Variants in TARBP1 observed in about 807,000 individuals in gnomAD.
TARBP1 encodes tRNA guanosine 2 -O-methyltransferase TARBP1, also known as tRNA (guanosine(18)-2'-O)-methyltransferase TARBP1.
TARBP1 carries 144 observed loss-of-function variants against 178.6 expected under a neutral mutation model. The ratio of observed to expected loss-of-function variants is 0.81; its 90% CI spans 0.70 to 0.93. The LOEUF is 0.93. Among genes scored for constraint, TARBP1 ranks in the 40% least tolerant of loss-of-function variants. The pLI, the probability that TARBP1 is intolerant of heterozygous loss-of-function variation, is 0.00. For synonymous variants in TARBP1, 787 were observed against 781.0 expected, an observed-to-expected ratio of 1.01 and a Z score of -0.13; for missense variants, 2,067 against 2,011.7, an observed-to-expected ratio of 1.03 and a Z score of -0.53.
intron 5 of TARBP1, 57 bp from the exon 6 acceptor site, chr1:234,463,991 C>T (rs1668175945): frequency 1.7e-6 from 2 of 1,146,056 alleles, no homozygotes; most frequent in South Asian, 1.8e-5. Context: ...AGTGATTACA[C>T]TAAAACTAGC....
At chr1:234,428,644 C>G (rs1196041248) in intron 17 of TARBP1, among the ~76,000 whole-genome samples, 2 of 151,944 alleles carry the variant, frequency 1.3e-5, no homozygotes, top group Non-Finnish European at 2.9e-5. Flanking sequence ...CTCCTGGGTT[C>G]AAGCAATTCT....
At chr1:234,408,674 C>T (rs1440886099) in intron 23 of TARBP1, among the ~76,000 whole-genome samples, 51 of 152,118 alleles carry the variant, frequency 3.4e-4, no homozygotes, top group Admixed American at 3.3e-3. Context: ...TGACTTAGCA[C>T]AAAAGGACAC....
At chr1:234,443,916 A>G (rs1388929817) in intron 12 of TARBP1, among the ~76,000 whole-genome samples, 1 of 152,192 alleles carries the variant, frequency 6.6e-6, no homozygotes, top group Non-Finnish European at 1.5e-5. Flanking sequence ...AGTCAAACTC[A>G]TAGAGACAGA....
At chr1:234,467,376 G>A (rs1668557005) in intron 4 of TARBP1, 126 bp downstream of exon 4, 19 of 993,050 alleles carry the variant, frequency 1.9e-5, no homozygotes, top group Admixed American at 1.1e-4. Flanking sequence ...GGAAAGCTGG[G>A]TTTAGAGAAA....
intron 11 of TARBP1, among the ~76,000 whole-genome samples, chr1:234,447,609 G>A (rs1666325520): frequency 6.6e-6 from 1 of 151,808 alleles, no homozygotes; most frequent in Non-Finnish European, 1.5e-5. Flanking sequence ...TCCCAGACTG[G>A]ATAACCAACT....
At position 234,479,011 on chromosome 1, in the gene TARBP1, C is replaced by T; in HGVS notation, c.93G>A (p.Glu31=). ...GALCQGEASA[E]RVETLRFLLQ... is the part of the protein sequence containing the mutation. ...GAAGGAAGCGCAGCGTCTCCACGCG[C>T]TCCGCGGATGCCTCCCCTTGGCACA... Residue 31 remains glutamate, a synonymous_variant, in exon 1 of 30, where the codon GAG becomes GAA. Transcript: ENST00000040877. 6.6e-7 allele frequency: 1 copy of T among 1,517,260 alleles called. No homozygotes were observed. Among genetic ancestry groups the T allele is most frequent in the Non-Finnish European group, 8.7e-7 (1 of 1,144,642 alleles). 94.0% of individuals were successfully genotyped at this position (1,517,260 alleles called of 1,614,324 possible).
At chr1:234,440,612 T>A (rs1665493074) in intron 12 of TARBP1, among the ~76,000 whole-genome samples, 1 of 152,088 alleles carries the variant, frequency 6.6e-6, no homozygotes, top group South Asian at 2.1e-4. Flanking sequence ...TATTCACAGA[T>A]GACATGATTA....
At chr1:234,431,400 A>G (rs1038144661) in intron 14 of TARBP1, among the ~76,000 whole-genome samples, 1 of 152,262 alleles carries the variant, frequency 6.6e-6, no homozygotes, top group African/African-American at 2.4e-5. Context: ...TTGTATATTT[A>G]GAACTCACAA....
chr1:234,466,837 T>C (rs1046943918), intron 4 of TARBP1, among the ~76,000 whole-genome samples: 1 of 151,826 alleles, frequency 6.6e-6, no homozygotes, highest in Non-Finnish European at 1.5e-5. Context: ...CACTCCAGCC[T>C]GGGTGACAGG....
rs529391827 is a variant in TARBP1 at position 234,420,729 on chromosome 1, C to T, written c.3528G>A (p.Leu1176=). 6.2e-7 allele frequency: 1 copy of T among 1,611,900 alleles called. No homozygotes were observed. The highest frequency in any genetic ancestry group is 1.1e-5 in the South Asian group (1 of 90,708). The change falls in exon 21 of 30, where the codon CTG becomes CTA. Residue 1176 remains leucine, a synonymous_variant. Transcript: ENST00000040877. Reference sequence around the variant, plus strand: ...GGTCAAGTCTAGGGAAAAGTACCAGCAGAGTCTGCCACACTCGGTTTTTCA... The same window carrying T: ...GGTCAAGTCTAGGGAAAAGTACCAGTAGAGTCTGCCACACTCGGTTTTTCA... ...HRVKNRVWQT[L]LVLFPRLDQN...
chr1:234,478,568 TC>T lies in TARBP1; in HGVS notation c.535del (p.Asp179MetfsTer48). The T allele has an allele frequency of 7.7e-7, 1 of 1,292,424 alleles. No homozygotes were observed. Among genetic ancestry groups the T allele is most frequent in the Non-Finnish European group, 9.8e-7 (1 of 1,022,864 alleles). 80.1% of individuals were successfully genotyped at this position (1,292,424 alleles called of 1,614,324 possible). A position where few individuals can be genotyped will look rare whatever the true frequency, so the allele number is the denominator to read the frequency against. On this transcript the variant is annotated frameshift_variant, in exon 1 of 30. Transcript: ENST00000040877. LOFTEE classifies it high-confidence loss of function. ...ALALGGGGDG[D>X]EAGPAEDAAA... ...CGCGTCCTCGGCAGGCCCGGCCTCATCCCCGTCCCCGCCCCCGCCCAGCGCC... is the reference window on the plus strand; with the variant it reads ...CGCGTCCTCGGCAGGCCCGGCCTCATCCCGTCCCCGCCCCCGCCCAGCGCC...
chr1:234,448,980 G>A (rs1572353045), intron 10 of TARBP1, among the ~76,000 whole-genome samples: 1 of 152,192 alleles, frequency 6.6e-6, no homozygotes, highest in African/African-American at 2.4e-5. Flanking sequence ...GAGAGTAAGA[G>A]GAAGTTTCCC....
intron 13 of TARBP1, among the ~76,000 whole-genome samples, chr1:234,434,107 A>T (rs1664767002): frequency 6.6e-6 from 1 of 152,008 alleles, no homozygotes. Flanking sequence ...AAGTTATTTA[A>T]CTCTTCACTA....
intron 23 of TARBP1, chr1:234,407,667 G>C (rs146112610): frequency 6.6e-6 from 1 of 152,114 alleles, no homozygotes; most frequent in East Asian, 1.9e-4. Flanking sequence ...TATTTATATC[G>C]GTGTGGGCTC....
chr1:234,427,908 G>T, intron 17 of TARBP1, 142 bp from the exon 18 acceptor site: 1 of 475,464 alleles, frequency 2.1e-6, no homozygotes, highest in Non-Finnish European at 3.5e-6. Flanking sequence ...AACTTTGCGA[G>T]ATGATCAATA....
At chr1:234,412,954 T>C (rs1572244115) in intron 22 of TARBP1, among the ~76,000 whole-genome samples, 1 of 152,068 alleles carries the variant, frequency 6.6e-6, no homozygotes, top group South Asian at 2.1e-4. Flanking sequence ...CATCCAGAGG[T>C]TGGATGAGCA....
intron 9 of TARBP1, among the ~76,000 whole-genome samples, chr1:234,455,640 A>G (rs936079021): frequency 2.0e-5 from 3 of 152,220 alleles, no homozygotes; most frequent in African/African-American, 7.2e-5. Context: ...GTGGAGTACG[A>G]TAAGGATCAA....
At chr1:234,415,717 C>A (rs1254129805) in intron 22 of TARBP1, among the ~76,000 whole-genome samples, 4 of 152,200 alleles carry the variant, frequency 2.6e-5, no homozygotes. Context: ...AGTAGGTATA[C>A]AGCTGGCTAT....
intron 3 of TARBP1, among the ~76,000 whole-genome samples, chr1:234,469,909 CACTGGAAAAGATAT>C (rs1668869286): frequency 6.6e-6 from 1 of 152,142 alleles, no homozygotes; most frequent in Non-Finnish European, 1.5e-5. Flanking sequence ...ACTTAAGAAA[CACTGGAAAAGATAT>C]ACTAAGAGAA....
Sources: allele counts gnomAD v4.1 joint callset (sites outside exome capture counted in the v4.1 genomes callset), GRCh38; gene constraint gnomAD v4.1.1; transcripts MANE v1.5; gene names NCBI Gene and HGNC (gene_info 2026-07-23, HGNC 2026-07-21).